Variants in CSMD1 observed in about 807,000 individuals in gnomAD.
The protein encoded by CSMD1 is CUB and Sushi multiple domains 1.
CSMD1 carries 213 observed loss-of-function variants against 417.5 expected under a neutral mutation model. That is an observed-to-expected ratio of 0.51 (90% CI 0.46 to 0.57). The LOEUF (loss-of-function observed/expected upper bound fraction) is 0.57, where lower values mean the gene tolerates loss of function less well. Ranked by LOEUF, CSMD1 falls within the 20% of genes least tolerant of loss-of-function variation. The pLI is 0.00. For synonymous variants in CSMD1, 2,862 were observed against 1,736.8 expected, an observed-to-expected ratio of 1.65 and a Z score of -16.11; for missense variants, 6,923 against 4,529.7, an observed-to-expected ratio of 1.53 and a Z score of -15.17.
chr8:3,063,681 G>A (rs1483140022), intron 49 of CSMD1, among the ~76,000 whole-genome samples: 1 of 152,186 alleles, frequency 6.6e-6, no homozygotes, highest in African/African-American at 2.4e-5. Flanking sequence ...CACACCACAT[G>A]CTACAACATG....
intron 1 of CSMD1, among the ~76,000 whole-genome samples, chr8:4,965,027 G>C (rs923758111): frequency 6.6e-6 from 1 of 152,062 alleles, no homozygotes; most frequent in Non-Finnish European, 1.5e-5. Context: ...CAATATGCAC[G>C]TTGCTTTACT....
chr8:3,946,639 G>C (rs370233190), intron 5 of CSMD1, among the ~76,000 whole-genome samples: 1 of 152,100 alleles, frequency 6.6e-6, no homozygotes, highest in Admixed American at 6.5e-5. Flanking sequence ...ACCATCTACA[G>C]ATGAATAAAC....
chr8:3,871,298 C>A (rs1337820595), intron 5 of CSMD1, among the ~76,000 whole-genome samples: 2 of 152,040 alleles, frequency 1.3e-5, no homozygotes, highest in African/African-American at 4.8e-5. Flanking sequence ...CTGATTTATA[C>A]TCCTACTAGT....
At chr8:4,052,938 G>T (rs1439232914) in intron 3 of CSMD1, among the ~76,000 whole-genome samples, 3 of 152,128 alleles carry the variant, frequency 2.0e-5, no homozygotes, top group African/African-American at 7.2e-5. Flanking sequence ...AGTGGCTAAT[G>T]AGGGTCTGAG....
At chr8:4,511,349 G>A (rs1802809258) in intron 2 of CSMD1, among the ~76,000 whole-genome samples, 1 of 152,126 alleles carries the variant, frequency 6.6e-6, no homozygotes, top group Non-Finnish European at 1.5e-5. Flanking sequence ...CCAGAGGAGG[G>A]GCATGCAGGC....
intron 1 of CSMD1, among the ~76,000 whole-genome samples, chr8:4,969,686 G>A (rs773708535): frequency 6.6e-6 from 1 of 152,018 alleles, no homozygotes. Flanking sequence ...ATATTTTGGG[G>A]ACTTGGAGGG....
chr8:3,840,740 G>C (rs534746192), intron 5 of CSMD1, among the ~76,000 whole-genome samples: 1 of 147,582 alleles, frequency 6.8e-6, no homozygotes, highest in South Asian at 2.2e-4. Flanking sequence ...CTGTCGTGTA[G>C]GCTGGAGTTC....
intron 3 of CSMD1, among the ~76,000 whole-genome samples, chr8:4,186,863 T>G (rs11786441): frequency 0.84 from 125,496 of 150,286 alleles, 52,592 homozygotes; most frequent in South Asian, 0.94. Context: ...GGGCGTGGTG[T>G]TGAGTGCCTG....
chr8:4,341,102 C>T (rs917302173), intron 3 of CSMD1, among the ~76,000 whole-genome samples: 1 of 152,046 alleles, frequency 6.6e-6, no homozygotes, highest in Non-Finnish European at 1.5e-5. Context: ...ATAGAGATAT[C>T]TCATTTCCAA....
At chr8:3,310,612 G>C (rs755120258) in intron 23 of CSMD1, among the ~76,000 whole-genome samples, 3 of 152,196 alleles carry the variant, frequency 2.0e-5, no homozygotes, top group Non-Finnish European at 4.4e-5. Flanking sequence ...CAAAATCGGG[G>C]TGTAAAAAAC....
chr8:3,787,011 C>G (rs1318367744), intron 5 of CSMD1, among the ~76,000 whole-genome samples: 1 of 152,154 alleles, frequency 6.6e-6, no homozygotes, highest in East Asian at 1.9e-4. Flanking sequence ...GGGTCAGGAT[C>G]TGAAGTCTAA....
intron 1 of CSMD1, among the ~76,000 whole-genome samples, chr8:4,970,281 T>C (rs557155478): frequency 3.9e-5 from 6 of 152,240 alleles, no homozygotes; most frequent in East Asian, 3.9e-4. Flanking sequence ...CTGTAAGTGA[T>C]AGATCATTTG....
intron 5 of CSMD1, among the ~76,000 whole-genome samples, chr8:3,812,680 G>A (rs185069916): frequency 4.3e-4 from 66 of 152,248 alleles, no homozygotes; most frequent in Admixed American, 2.9e-3. Flanking sequence ...AGATTGCAAC[G>A]CATGCAAATG....
At chr8:4,545,236 G>A (rs960627961) in intron 2 of CSMD1, among the ~76,000 whole-genome samples, 6 of 152,304 alleles carry the variant, frequency 3.9e-5, no homozygotes, top group East Asian at 3.9e-4. Context: ...AATGGGAGGT[G>A]CAGTAATGTA....
rs1300433893 is a variant in CSMD1, at chr8:4,432,921, T to C, written c.303-12856A>G. Among the ~76,000 whole-genome samples, 7 of 152,322 alleles carry C rather than the reference T, an allele frequency of 4.6e-5. No individual in the cohort carries two copies. The East Asian group carries it at 5.8e-4, about 13-fold the overall frequency. ...TGAGCAGCAGAAGCCAGAGAGGCTG[T>C]GTTGTTTTCACAGCTGCTCCCCATG... On this transcript the variant is annotated intron_variant, in intron 2 of 69. Transcript: ENST00000635120.
chr8:3,563,904 G>C (rs534415269), intron 10 of CSMD1, among the ~76,000 whole-genome samples: 1 of 152,020 alleles, frequency 6.6e-6, no homozygotes, highest in South Asian at 2.1e-4. Context: ...AACAAAAACA[G>C]ACAAACACAC....
chr8:3,605,100 T>C (rs1269309428), intron 8 of CSMD1, among the ~76,000 whole-genome samples: 1 of 152,194 alleles, frequency 6.6e-6, no homozygotes, highest in South Asian at 2.1e-4. Context: ...GTTCAAGTGA[T>C]TCTCCTGCCT....
At chr8:4,196,661 A>G (rs996433450) in intron 3 of CSMD1, among the ~76,000 whole-genome samples, 3 of 152,186 alleles carry the variant, frequency 2.0e-5, no homozygotes, top group African/African-American at 7.2e-5. Context: ...TTTGTGACCC[A>G]TTCTTCTGCC....
chr8:3,786,268 A>T (rs577962670), intron 5 of CSMD1, among the ~76,000 whole-genome samples: 80 of 152,210 alleles, frequency 5.3e-4, no homozygotes, highest in African/African-American at 1.8e-3. Context: ...AAGAGTGGAT[A>T]CATGGGCATG....
Sources: gnomAD v4.1 joint callset for allele counts (sites outside exome capture counted in the v4.1 genomes callset) on GRCh38, gnomAD v4.1.1 for gene constraint, MANE v1.5 for transcripts, NCBI Gene and HGNC (gene_info 2026-07-23, HGNC 2026-07-21) for gene names.